BNIP5: variants seen among roughly 807,000 people sequenced by gnomAD.
BNIP5 encodes protein BNIP5.
A neutral mutation model predicts 67.3 loss-of-function variants in BNIP5; 61 were observed. The observed-to-expected ratio is 0.91, with a 90% CI of 0.74 to 1.12. BNIP5 has a LOEUF of 1.12. Ranked by LOEUF, BNIP5 falls within the 50% of genes most tolerant of loss-of-function variation. The pLI is 0.00. For synonymous variants in BNIP5, 317 were observed against 319.0 expected, an observed-to-expected ratio of 0.99 and a Z score of 0.07; for missense variants, 826 against 816.3, an observed-to-expected ratio of 1.01 and a Z score of -0.14.
In BNIP5 at chr6:36,330,616, G is replaced by C. The variant is rs770345487; in HGVS notation, c.75C>G (p.Pro25=). Residue 25 remains proline, a synonymous_variant, in exon 2 of 12, where the codon CCC becomes CCG. Coordinates refer to ENST00000437635, the MANE Select transcript of BNIP5 (RefSeq NM_001010903.5). The stretch of plus-strand genomic sequence containing the variant: ...AGTCCCACGACTCCGAGCCTTTCCC[G>C]GGGGCCTGCGGCCTGTCCAGAGACC... The part of the protein sequence containing the change: ...KARSLDRPQA[P]GKGSESWDCH... 8 of 1,609,540 alleles carry C rather than the reference G, an allele frequency of 5.0e-6. No individual in the cohort carries two copies. The South Asian group carries it at 5.5e-5, about 11-fold the overall frequency.
At position 36,322,393 on chromosome 6, in the gene BNIP5, T is replaced by C; in HGVS notation, c.1521A>G (p.Pro507=). ...CREPLPAEGE[P]VVISEAPSQA... ...GGGAGGGTGCTTCTGAGATCACAAC[T>C]GGCTCCCCTTCTGCGGGCAGGGGCT... Residue 507 remains proline (P), a synonymous_variant, in exon 9 of 12, where the codon CCA becomes CCG. Coordinates refer to ENST00000437635, the MANE Select transcript of BNIP5 (RefSeq NM_001010903.5). The C allele has an allele frequency of 2.5e-6, 4 of 1,614,116 alleles. No individual in the cohort carries two copies. Among genetic ancestry groups the C allele is most frequent in the Non-Finnish European group, 3.4e-6 (4 of 1,179,970 alleles).
At chr6:36,324,019 G>A in intron 7 of BNIP5, 110 bp downstream of exon 7, 1 of 801,380 alleles carries the variant, frequency 1.2e-6, no homozygotes, top group Non-Finnish European at 2.1e-6. Context: ...AAAAAAAGGA[G>A]GGACTGGAGC....
In BNIP5 at chr6:36,319,229, G is replaced by GAT. The variant is rs569847032; in HGVS notation, c.1923+125_1923+126dup. On this transcript the variant is annotated intron_variant, in intron 11 of 11. Transcript: ENST00000437635. ...GCCTCAGTGAGGAGGTGACATTTGA[G>GAT]ATAGACCCAAAAATTCTGAACTGAG... 3 of 1,151,642 alleles carry GAT rather than the reference G, an allele frequency of 2.6e-6. No individual in the cohort carries two copies. The South Asian group carries it at 4.5e-5, about 17-fold the overall frequency. 71.3% of individuals were successfully genotyped at this position (1,151,642 alleles called of 1,614,324 possible).
rs745709652 is a variant in BNIP5 at position 36,330,479 on chromosome 6, G to A, written c.212C>T (p.Thr71Ile). 6 of 1,614,060 alleles carry A rather than the reference G, an allele frequency of 3.7e-6. No individual in the cohort carries two copies. The highest frequency in any genetic ancestry group is 4.5e-5 in the East Asian group (2 of 44,890). ...CTCGGGAGTGGGGGCTGCAGCGGTG[G>A]TGCAGTGAGCCTCTGCAGATGGAGC... ...SPAPSAEAHC[T>I]TAAAPTPEET... is the part of the protein sequence containing the mutation. Residue 71 changes from threonine (T) to isoleucine (I), a missense_variant, in exon 2 of 12, where the codon ACC (threonine) becomes ATC (isoleucine). By Grantham distance (89) the Thr-to-Ile change is moderately conservative. Coordinates refer to ENST00000437635, the MANE Select transcript of BNIP5 (RefSeq NM_001010903.5).
At position 36,336,846 on chromosome 6, in the gene BNIP5, G is replaced by GAGA. The variant is rs1772025949; in HGVS notation, c.-142_-140dup. 1 of 152,228 alleles carries GAGA rather than the reference G, an allele frequency of 6.6e-6. No homozygotes were observed. The highest frequency in any genetic ancestry group is 6.5e-5 in the Admixed American group (1 of 15,282). 9.4% of individuals were successfully genotyped at this position (152,228 alleles called of 1,614,324 possible). A position where few individuals can be genotyped will look rare whatever the true frequency, so the allele number is the denominator to read the frequency against. On this transcript the variant is annotated 5_prime_UTR_variant, in exon 1 of 12. Transcript: ENST00000437635. ...AGAAGTCAGACCCAGCTCTCCCAGG[G>GAGA]AGAAGATGCCACTACTTTGGTGCTG...
intron 1 of BNIP5, among the ~76,000 whole-genome samples, chr6:36,331,272 G>A (rs1474900506): frequency 6.6e-6 from 1 of 152,202 alleles, no homozygotes; most frequent in African/African-American, 2.4e-5. Flanking sequence ...GGAAGATTGT[G>A]CTCAGATCTC....
intron 1 of BNIP5, among the ~76,000 whole-genome samples, chr6:36,335,759 G>A (rs772124274): frequency 6.6e-6 from 1 of 152,166 alleles, no homozygotes; most frequent in Non-Finnish European, 1.5e-5. Context: ...CTGAGGCTCC[G>A]GACCATTAAG....
intron 6 of BNIP5, among the ~76,000 whole-genome samples, chr6:36,324,573 T>C (rs1166695336): frequency 1.7e-5 from 1 of 59,812 alleles, no homozygotes; most frequent in South Asian, 5.7e-4. Context: ...CTGACGGTGA[T>C]ATTATATATA....
chr6:36,321,853 A>G (rs566425931), intron 9 of BNIP5, among the ~76,000 whole-genome samples: 1 of 152,296 alleles, frequency 6.6e-6, no homozygotes, highest in East Asian at 1.9e-4. Flanking sequence ...GATTACAGGC[A>G]CACACCACCA....
intron 2 of BNIP5, among the ~76,000 whole-genome samples, chr6:36,329,348 G>A (rs1263923603): frequency 6.6e-6 from 1 of 152,232 alleles, no homozygotes; most frequent in Non-Finnish European, 1.5e-5. Context: ...CTTGTGGGCT[G>A]TGGCCACTCC....
chr6:36,325,586 C>T (rs918149161), intron 5 of BNIP5, among the ~76,000 whole-genome samples, 172 bp from the exon 6 acceptor site: 1 of 152,196 alleles, frequency 6.6e-6, no homozygotes, highest in African/African-American at 2.4e-5. Context: ...TGGCCCAGAC[C>T]GAGTTCCCTT....
rs1771507083 is a variant in BNIP5 at position 36,316,028 on chromosome 6, G to T, written c.*1328C>A. 6.5e-6 allele frequency: 1 copy of T among 154,148 alleles called. No individual in the cohort carries two copies. Among genetic ancestry groups the T allele is most frequent in the African/African-American group, 2.4e-5 (1 of 41,484 alleles). The allele number at this position is 154,148 out of a possible 1,614,324, so 9.5% of individuals were successfully genotyped here. A position where few individuals can be genotyped will look rare whatever the true frequency, so the allele number is the denominator to read the frequency against. On this transcript the variant is annotated 3_prime_UTR_variant, in exon 12 of 12. Coordinates refer to ENST00000437635, the MANE Select transcript of BNIP5 (RefSeq NM_001010903.5). ...CAGAAGCAGCAATAAAAACTAAATG[G>T]CTTTCCGGATAGGCTGAGTTGAGCT...
Position 36,328,591 on chromosome 6 carries a change from G to A in BNIP5, c.727+7C>T, listed in dbSNP as rs760836172. On this transcript the variant is annotated splice_region_variant and intron_variant, in intron 3 of 11. Transcript: ENST00000437635. ...AGGCAAAAAGGTCACTAGAGATTCC[G>A]ACTCACGGTCAGGCTTTTTGAGCTC... The A allele has an allele frequency of 8.2e-6, 13 of 1,588,414 alleles. No homozygotes were observed. The highest frequency in any genetic ancestry group is 2.2e-5 in the East Asian group (1 of 44,750).
chr6:36,330,726 TTTTGTTTGTTTGTTTTGA>T (rs1561886848), intron 1 of BNIP5, 32 bp from the exon 2 acceptor site: 7 of 1,517,466 alleles, frequency 4.6e-6, no homozygotes, highest in Non-Finnish European at 6.1e-6. Context: ...CCCTTAGTTT[TTTTGTTTGTTTGTTTTGA>T]TTTGTTTGTT....
At chr6:36,323,595 G>T in intron 7 of BNIP5, 62 bp from the exon 8 acceptor site, 1 of 1,598,308 alleles carries the variant, frequency 6.3e-7, no homozygotes, top group Non-Finnish European at 8.5e-7. Context: ...CTCAGGTGAG[G>T]TGGGGAAAGA....
Position 36,323,288 on chromosome 6 carries a change from C to T in BNIP5, c.1471+5G>A. On this transcript the variant is annotated splice_donor_5th_base_variant and intron_variant, in intron 8 of 11. Transcript: ENST00000437635. Reference sequence around the variant, plus strand: ...TGTTACCATGGCAACACCAGGCCTGCTCACCAAGGCTGCTGGAGGTGGAGG... The same window carrying T: ...TGTTACCATGGCAACACCAGGCCTGTTCACCAAGGCTGCTGGAGGTGGAGG... The T allele has an allele frequency of 6.2e-7, 1 of 1,614,146 alleles. No homozygotes were observed. Among genetic ancestry groups the T allele is most frequent in the Non-Finnish European group, 8.5e-7 (1 of 1,180,032 alleles).
Position 36,325,361 on chromosome 6 carries a change from C to A in BNIP5, c.1090G>T (p.Gly364Cys). Reference sequence around the variant, plus strand: ...GATGGGGTGGGAAGCACGGAGGGACCTGGAGCCCCAGCCTCTGTAGATGGG... The same window carrying A: ...GATGGGGTGGGAAGCACGGAGGGACATGGAGCCCCAGCCTCTGTAGATGGG... ...EAPSTEAGAP[G>C]PSVLPTPSES... is the part of the protein sequence containing the mutation. Residue 364 changes from glycine to cysteine, a missense_variant, in exon 6 of 12, where the codon GGT (glycine) becomes TGT (cysteine). Physicochemically the swap from Gly to Cys is radical, Grantham distance 159. Coordinates refer to ENST00000437635, the MANE Select transcript of BNIP5 (RefSeq NM_001010903.5). The A allele has an allele frequency of 6.2e-7, 1 of 1,614,190 alleles. No homozygotes were observed. Among genetic ancestry groups the A allele is most frequent in the Non-Finnish European group, 8.5e-7 (1 of 1,180,016 alleles).
chr6:36,322,345 T>A lies in BNIP5; in HGVS notation c.1569A>T (p.Glu523Asp), dbSNP rs1245877584. 1 of 1,614,192 alleles carries A rather than the reference T, an allele frequency of 6.2e-7. No individual in the cohort carries two copies. The highest frequency in any genetic ancestry group is 8.5e-7 in the Non-Finnish European group (1 of 1,180,018). Residue 523 changes from glutamate (E) to aspartate (D), a missense_variant, in exon 9 of 12, where the codon GAA becomes GAT. Transcript: ENST00000437635. ...APSQARGHTP[E>D]GAPQLSGACE... Reference sequence around the variant, plus strand: ...ATGCTCCACTCAGCTGAGGTGCCCCTTCTGGCGTGTGGCCTCTAGCCTGGG... The same window carrying A: ...ATGCTCCACTCAGCTGAGGTGCCCCATCTGGCGTGTGGCCTCTAGCCTGGG...
rs768015118 is a variant in BNIP5, at chr6:36,325,332, C to T, written c.1119G>A (p.Glu373=). Reference sequence around the variant, plus strand: ...GAAGCTCCTCTCCAGGTTCCTGGCTCTCTGATGGGGTGGGAAGCACGGAGG... The same window carrying T: ...GAAGCTCCTCTCCAGGTTCCTGGCTTTCTGATGGGGTGGGAAGCACGGAGG... The part of the protein sequence containing the change: ...PGPSVLPTPS[E]SQEPGEELPL... Residue 373 remains glutamate, a synonymous_variant, in exon 6 of 12, where the codon GAG becomes GAA. Transcript: ENST00000437635. 1.2e-6 allele frequency: 2 copies of T among 1,614,164 alleles called. No individual in the cohort carries two copies.
Sources: gnomAD v4.1 joint callset for allele counts (sites outside exome capture counted in the v4.1 genomes callset) on GRCh38, gnomAD v4.1.1 for gene constraint, MANE v1.5 for transcripts, NCBI Gene and HGNC (gene_info 2026-07-23, HGNC 2026-07-21) for gene names.